Variants in AGPAT4 observed in about 807,000 individuals in gnomAD.
AGPAT4 encodes 1-acylglycerol-3-phosphate O-acyltransferase 4, also known as 1-acyl-sn-glycerol-3-phosphate acyltransferase delta.
A neutral mutation model predicts 48.0 loss-of-function variants in AGPAT4; 15 were observed. That is an observed-to-expected ratio of 0.31 (90% CI 0.21 to 0.48). The LOEUF (loss-of-function observed/expected upper bound fraction) is 0.48, where lower values mean the gene tolerates loss of function less well. Among genes scored for constraint, AGPAT4 ranks in the 20% least tolerant of loss-of-function variants. AGPAT4 has a pLI of 0.99. For synonymous variants in AGPAT4, 178 were observed against 198.7 expected, an observed-to-expected ratio of 0.90 and a Z score of 0.88; for missense variants, 314 against 482.5, an observed-to-expected ratio of 0.65 and a Z score of 3.27.
chr6:161,198,613 T>C lies in AGPAT4; in HGVS notation c.179-32196A>G, dbSNP rs1235009666. Among the ~76,000 whole-genome samples the C allele has an allele frequency of 6.6e-6, 1 of 152,240 alleles. No individual in the cohort carries two copies. Among genetic ancestry groups the C allele is most frequent in the Non-Finnish European group, 1.5e-5 (1 of 68,034 alleles). On this transcript the variant is annotated intron_variant, in intron 2 of 8. Transcript: ENST00000320285. The surrounding 1 kb of genome is among the most constrained non-coding windows in gnomAD (Gnocchi z 4.3). ...TGGGTTACATCCTGGCCCCACCATCTACTACTTGTGAGACTTTGGACATGC... is the reference window on the plus strand; with the variant it reads ...TGGGTTACATCCTGGCCCCACCATCCACTACTTGTGAGACTTTGGACATGC...
chr6:161,265,769 C>A (rs1783244105), intron 1 of AGPAT4, among the ~76,000 whole-genome samples: 1 of 152,134 alleles, frequency 6.6e-6, no homozygotes, highest in Non-Finnish European at 1.5e-5. Context: ...GGCCACCGAG[C>A]CTGGCCCATT....
chr6:161,181,609 G>A (rs369888121), intron 2 of AGPAT4, among the ~76,000 whole-genome samples: 7 of 151,990 alleles, frequency 4.6e-5, no homozygotes, highest in Non-Finnish European at 7.4e-5. Flanking sequence ...AGACAGTCTC[G>A]CTCTGTTGCC....
rs1006319607 is a variant in AGPAT4, at chr6:161,218,041, G to T, written c.178+13995C>A. Among the ~76,000 whole-genome samples the T allele has an allele frequency of 6.6e-6, 1 of 152,232 alleles. No individual in the cohort carries two copies. Among genetic ancestry groups the T allele is most frequent in the African/African-American group, 2.4e-5 (1 of 41,458 alleles). On this transcript the variant is annotated intron_variant, in intron 2 of 8. Transcript: ENST00000320285. This position sits in a 1 kb window ranked among gnomAD's most constrained non-coding sequence, Gnocchi z 4.7. ...CAATTGAACACGTATGCATTCACCG[G>T]GAATGCCCTGTGATGGCTGGTGTCT...
chr6:161,230,590 T>A lies in AGPAT4; in HGVS notation c.178+1446A>T, dbSNP rs565674652. On this transcript the variant is annotated intron_variant, in intron 2 of 8. Transcript: ENST00000320285. ...AGTTCCTGTCCAAATCATCTCCTAC[T>A]GTCTCTGCCCTGTTTGGACAAGTTT... Among the ~76,000 whole-genome samples, 11 of 152,362 alleles carry A rather than the reference T, an allele frequency of 7.2e-5. 1 individual carries two copies. The highest frequency in any genetic ancestry group is 2.6e-4 in the African/African-American group (11 of 41,594).
At chr6:161,163,475 C>T (rs1779997523) in intron 3 of AGPAT4, among the ~76,000 whole-genome samples, 1 of 152,180 alleles carries the variant, frequency 6.6e-6, no homozygotes, top group Non-Finnish European at 1.5e-5. Context: ...TTCTTTACCC[C>T]CTTCCAGGGT....
chr6:161,213,832 C>A (rs1260960160), intron 2 of AGPAT4, among the ~76,000 whole-genome samples: 3 of 152,098 alleles, frequency 2.0e-5, no homozygotes, highest in Non-Finnish European at 4.4e-5. Flanking sequence ...TAGGAATAAG[C>A]CATCCTAGTC....
Position 161,204,800 on chromosome 6 carries a change from A to AT in AGPAT4, c.178+27235dup, listed in dbSNP as rs1781335921. On this transcript the variant is annotated intron_variant, in intron 2 of 8. Coordinates refer to ENST00000320285, the MANE Select transcript of AGPAT4 (RefSeq NM_020133.3). This position sits in a 1 kb window ranked among gnomAD's most constrained non-coding sequence, Gnocchi z 4.4. Reference sequence around the variant, plus strand: ...GAGCTTTTTCCCCAGAGTGAAACACATATTTTCAGTGAAGTTATTCCCTTT... The same window carrying AT: ...GAGCTTTTTCCCCAGAGTGAAACACATTATTTTCAGTGAAGTTATTCCCTTT... Among the ~76,000 whole-genome samples the AT allele has an allele frequency of 1.3e-5, 2 of 152,184 alleles. No homozygotes were observed. Among genetic ancestry groups the AT allele is most frequent in the South Asian group, 4.1e-4 (2 of 4,832 alleles).
At position 161,254,946 on chromosome 6, in the gene AGPAT4, C is replaced by T. The variant is rs541494093; in HGVS notation, c.-90+18992G>A. Among the ~76,000 whole-genome samples the T allele has an allele frequency of 3.3e-5, 5 of 152,290 alleles. No homozygotes were observed. The highest frequency in any genetic ancestry group is 1.2e-4 in the African/African-American group (5 of 41,550). On this transcript the variant is annotated intron_variant, in intron 1 of 8. Coordinates refer to ENST00000320285, the MANE Select transcript of AGPAT4 (RefSeq NM_020133.3). This position sits in a 1 kb window ranked among gnomAD's most constrained non-coding sequence, Gnocchi z 5.9. ...CTGGGCTCACAAAAGCCAGCCCTGACTTCGCGAAGAAAAAGCCTCAAACTG... is the reference window on the plus strand; with the variant it reads ...CTGGGCTCACAAAAGCCAGCCCTGATTTCGCGAAGAAAAAGCCTCAAACTG...
intron 2 of AGPAT4, among the ~76,000 whole-genome samples, chr6:161,205,791 T>C (rs1318900119): frequency 6.6e-6 from 1 of 151,826 alleles, no homozygotes; most frequent in African/African-American, 2.4e-5. Context: ...TAAAACCTTT[T>C]ATTCTTTTTT....
rs61697241 is a variant in AGPAT4 at position 161,196,491 on chromosome 6, C to A, written c.179-30074G>T. Among the ~76,000 whole-genome samples, 66 of 152,102 alleles carry A rather than the reference C, an allele frequency of 4.3e-4. No homozygotes were observed. The highest frequency in any genetic ancestry group is 1.5e-3 in the African/African-American group (62 of 41,494). On this transcript the variant is annotated intron_variant, in intron 2 of 8. Transcript: ENST00000320285. This position sits in a 1 kb window ranked among gnomAD's most constrained non-coding sequence, Gnocchi z 4.3. ...GGGCAAAGACTAGAGTTACAAGTCA[C>A]AGTTCAATCTAATGTGTTAAGAAGC...
rs1782167029 is a variant in AGPAT4, at chr6:161,233,046, A to C, written c.-89-744T>G. ...GTAAATACAAATAACTAGGAAGGTA[A>C]GAAAACTACCCCCACCACACCCTGG... On this transcript the variant is annotated intron_variant, in intron 1 of 8. Coordinates refer to ENST00000320285, the MANE Select transcript of AGPAT4 (RefSeq NM_020133.3). This position sits in a 1 kb window ranked among gnomAD's most constrained non-coding sequence, Gnocchi z 5.4. Among the ~76,000 whole-genome samples, 1 of 152,000 alleles carries C rather than the reference A, an allele frequency of 6.6e-6. No homozygotes were observed. Among genetic ancestry groups the C allele is most frequent in the Non-Finnish European group, 1.5e-5 (1 of 67,976 alleles).
chr6:161,150,799 C>T (rs752251374), intron 5 of AGPAT4, among the ~76,000 whole-genome samples: 1 of 152,190 alleles, frequency 6.6e-6, no homozygotes, highest in East Asian at 1.9e-4. Context: ...AGCATAAATG[C>T]GTATCTACAG....
At position 161,200,783 on chromosome 6, in the gene AGPAT4, C is replaced by T. The variant is rs1257988760; in HGVS notation, c.178+31253G>A. Among the ~76,000 whole-genome samples the T allele has an allele frequency of 1.3e-5, 2 of 152,186 alleles. No homozygotes were observed. Among genetic ancestry groups the T allele is most frequent in the Non-Finnish European group, 2.9e-5 (2 of 68,026 alleles). On this transcript the variant is annotated intron_variant, in intron 2 of 8. Coordinates refer to ENST00000320285, the MANE Select transcript of AGPAT4 (RefSeq NM_020133.3). This position sits in a 1 kb window ranked among gnomAD's most constrained non-coding sequence, Gnocchi z 5.5. ...TACGGTCCATGTGTTACACTGCCCCCGCAGGATGGCTCTTGTCTCTGAGAA... is the reference window on the plus strand; with the variant it reads ...TACGGTCCATGTGTTACACTGCCCCTGCAGGATGGCTCTTGTCTCTGAGAA...
Position 161,245,767 on chromosome 6 carries a change from G to T in AGPAT4, c.-89-13465C>A, listed in dbSNP as rs1297093717. 1.3e-5 allele frequency among the ~76,000 whole-genome samples: 2 copies of T among 152,164 alleles called. No homozygotes were observed. Among genetic ancestry groups the T allele is most frequent in the African/African-American group, 4.8e-5 (2 of 41,432 alleles). On this transcript the variant is annotated intron_variant, in intron 1 of 8. Transcript: ENST00000320285. The surrounding 1 kb of genome is among the most constrained non-coding windows in gnomAD (Gnocchi z 5.2). The stretch of plus-strand genomic sequence containing the variant: ...TGCCAATCCTAGTTTCTGGTAAGGA[G>T]TGCGAGGAAGGCGGGAGAATCAATA...
rs948551447 is a variant in AGPAT4, at chr6:161,214,373, G to T, written c.178+17663C>A. ...TACTGAGGCCTGTCTCAAATTTTGG[G>T]GGTTTCAGAAGCCTGTTGCTCCTAG... On this transcript the variant is annotated intron_variant, in intron 2 of 8. Transcript: ENST00000320285. This position sits in a 1 kb window ranked among gnomAD's most constrained non-coding sequence, Gnocchi z 5.4. Among the ~76,000 whole-genome samples, 5 of 152,120 alleles carry T rather than the reference G, an allele frequency of 3.3e-5. No homozygotes were observed. The highest frequency in any genetic ancestry group is 1.2e-4 in the African/African-American group (5 of 41,416).
rs1254877853 is a variant in AGPAT4, at chr6:161,246,255, G to A, written c.-89-13953C>T. On this transcript the variant is annotated intron_variant, in intron 1 of 8. Transcript: ENST00000320285. The surrounding 1 kb of genome is among the most constrained non-coding windows in gnomAD (Gnocchi z 5.5). ...TCCAGGACAGAGTTGTTTAATTCACGCATACATTCATTCGTCCACTGAGAA... is the reference window on the plus strand; with the variant it reads ...TCCAGGACAGAGTTGTTTAATTCACACATACATTCATTCGTCCACTGAGAA... Among the ~76,000 whole-genome samples, 1 of 152,080 alleles carries A rather than the reference G, an allele frequency of 6.6e-6. No individual in the cohort carries two copies. Among genetic ancestry groups the A allele is most frequent in the Non-Finnish European group, 1.5e-5 (1 of 68,016 alleles).
At chr6:161,156,770 A>T (rs757138243) in intron 3 of AGPAT4, among the ~76,000 whole-genome samples, 26 of 152,244 alleles carry the variant, frequency 1.7e-4, no homozygotes, top group Non-Finnish European at 3.2e-4. Context: ...GTTTACCAGA[A>T]TGAGGGCAAG....
intron 7 of AGPAT4, among the ~76,000 whole-genome samples, chr6:161,145,548 A>G (rs751387213): frequency 5.3e-5 from 8 of 151,648 alleles, no homozygotes; most frequent in Non-Finnish European, 1.2e-4. Flanking sequence ...TTGGACTGAA[A>G]TTTGTCTAAA....
chr6:161,136,581 C>A lies in AGPAT4; in HGVS notation c.1096G>T (p.Ala366Ser). 6.2e-7 allele frequency: 1 copy of A among 1,614,222 alleles called. No homozygotes were observed. The highest frequency in any genetic ancestry group is 8.5e-7 in the Non-Finnish European group (1 of 1,180,046). The change falls in exon 9 of 9, where the codon GCC (alanine) becomes TCC (serine). Residue 366 changes from alanine (A) to serine (S), a missense_variant. Physicochemically the swap from Ala to Ser is moderately conservative, Grantham distance 99 (BLOSUM62 1). Transcript: ENST00000320285. The stretch of plus-strand genomic sequence containing the variant: ...TGCTTGCTGTCAGAGTTGCCGTAGG[C>A]AGAGCCCTTGTCAATTTCCGTCACA... ...IGVTEIDKGS[A>S]YGNSDSKQKL... is the part of the protein sequence containing the mutation.
Sources: gnomAD v4.1 joint callset for allele counts (sites outside exome capture counted in the v4.1 genomes callset) on GRCh38, gnomAD v4.1.1 for gene constraint, Gnocchi (gnomAD v3.1) non-coding constraint, MANE v1.5 for transcripts, NCBI Gene and HGNC (gene_info 2026-07-23, HGNC 2026-07-21) for gene names.